The following DCC variants were observed in gnomAD, a reference collection of about 807,000 sequenced individuals.
DCC encodes netrin receptor DCC.
In DCC, 58 loss-of-function variants were observed where a neutral mutation model predicts 172.5. The ratio of observed to expected loss-of-function variants is 0.34; its 90% CI spans 0.27 to 0.42. The LOEUF (loss-of-function observed/expected upper bound fraction) is 0.42. DCC is among the 10% of genes least tolerant of loss of function. DCC has a pLI of 1.00. For synonymous variants in DCC, 709 were observed against 644.5 expected, an observed-to-expected ratio of 1.10 and a Z score of -1.52; for missense variants, 1,740 against 1,791.0, an observed-to-expected ratio of 0.97 and a Z score of 0.51.
intron 2 of DCC, among the ~76,000 whole-genome samples, chr18:52,826,726 G>A (rs1056543497): frequency 2.6e-5 from 4 of 151,892 alleles, no homozygotes; most frequent in African/African-American, 4.8e-5. Context: ...TTATCTGCCC[G>A]CCTAAGCCTC....
chr18:52,885,453 C>T (rs72922257), intron 2 of DCC, among the ~76,000 whole-genome samples: 3,183 of 152,254 alleles, frequency 0.021, 58 homozygotes, highest in Admixed American at 0.04. Flanking sequence ...CCAGCCCACA[C>T]GGGATTCTTC....
In DCC at chr18:53,204,263, TG is replaced by T. The variant is rs375294145; in HGVS notation, c.1574-950del. The stretch of plus-strand genomic sequence containing the variant: ...TTTCAAAATCTTAAGATACCTGGGC[TG>T]GGTGTGGTGTCTCACACCTGTAATC... On this transcript the variant is annotated intron_variant, in intron 9 of 28. Coordinates refer to ENST00000442544, the MANE Select transcript of DCC (RefSeq NM_005215.4). Among the ~76,000 whole-genome samples the T allele has an allele frequency of 2.3e-3, 345 of 152,224 alleles. 1 individual carries two copies. Among genetic ancestry groups the T allele is most frequent in the African/African-American group, 7.9e-3 (328 of 41,546 alleles).
At chr18:53,502,189 G>C (rs1432557444) in intron 27 of DCC, among the ~76,000 whole-genome samples, 1 of 152,070 alleles carries the variant, frequency 6.6e-6, no homozygotes, top group African/African-American at 2.4e-5. Context: ...TCTGGCTAGA[G>C]TTTTTGTTTG....
intron 1 of DCC, among the ~76,000 whole-genome samples, chr18:52,590,165 G>A (rs1038042405): frequency 6.6e-6 from 1 of 151,638 alleles, no homozygotes; most frequent in Non-Finnish European, 1.5e-5. Context: ...AATGGTGTGT[G>A]TGTGTGTGTG....
rs751411723 is a variant in DCC, at chr18:53,179,135, G to A, written c.1573+19G>A. The A allele has an allele frequency of 4.2e-5, 68 of 1,610,350 alleles. No individual in the cohort carries two copies. The highest frequency in any genetic ancestry group is 1.3e-4 in the African/African-American group (10 of 74,916). On this transcript the variant is annotated intron_variant, in intron 9 of 28. Coordinates refer to ENST00000442544, the MANE Select transcript of DCC (RefSeq NM_005215.4). ...CCTGAGTGTGAGTATGAAAAGGAAC[G>A]GGCCACATTTAAAAAGTATTTATTT... is the stretch of plus-strand genomic sequence containing the variant.
intron 16 of DCC, among the ~76,000 whole-genome samples, chr18:53,391,403 T>C (rs1373843660): frequency 2.0e-5 from 3 of 152,294 alleles, no homozygotes; most frequent in Admixed American, 6.5e-5. Context: ...ACAGTCAAAT[T>C]GATAAAACCA....
Position 53,530,637 on chromosome 18 carries a change from C to A in DCC, c.4328C>A (p.Thr1443Lys). Residue 1443 changes from threonine to lysine, a missense_variant, in exon 29 of 29, where the codon ACA becomes AAA. Thr to Lys is a moderately conservative substitution (Grantham distance 78). Coordinates refer to ENST00000442544, the MANE Select transcript of DCC (RefSeq NM_005215.4). ...EGLMKQLNAI[T>K]GSAF ...CTCATGAAGCAGCTTAATGCCATCACAGGCTCAGCCTTTTAACATGTATTT... is the reference window on the plus strand; with the variant it reads ...CTCATGAAGCAGCTTAATGCCATCAAAGGCTCAGCCTTTTAACATGTATTT... 6.3e-7 allele frequency: 1 copy of A among 1,589,944 alleles called. No individual in the cohort carries two copies. Among genetic ancestry groups the A allele is most frequent in the Non-Finnish European group, 8.6e-7 (1 of 1,157,928 alleles).
chr18:52,868,051 ATATGTGTGTG>A lies in DCC; in HGVS notation c.413-37991_413-37982del, dbSNP rs1199838274. On this transcript the variant is annotated intron_variant, in intron 2 of 28. Transcript: ENST00000442544. ...TATGTGTGTATATATATATATATAT[ATATGTGTGTG>A]TGTGTGTGTGTGTGTGTATATATGT... Among the ~76,000 whole-genome samples the A allele has an allele frequency of 2.3e-3, 230 of 98,712 alleles. 2 individuals are homozygous for A. The highest frequency in any genetic ancestry group is 5.7e-3 in the Middle Eastern group (1 of 174). The allele number at this position is 98,712 out of a possible 152,430, so 64.8% of individuals were successfully genotyped here. A position where few individuals can be genotyped will look rare whatever the true frequency, so the allele number is the denominator to read the frequency against.
intron 5 of DCC, among the ~76,000 whole-genome samples, chr18:52,991,857 G>C (rs1184752724): frequency 1.3e-5 from 2 of 152,180 alleles, no homozygotes; most frequent in Non-Finnish European, 2.9e-5. Context: ...AGGAACTGTA[G>C]TAAGTGTTCA....
chr18:53,456,489 T>C (rs989406060), intron 23 of DCC, among the ~76,000 whole-genome samples: 8 of 152,138 alleles, frequency 5.3e-5, no homozygotes, highest in Non-Finnish European at 1.0e-4. Flanking sequence ...GGGCCAAACA[T>C]GAAATACTCT....
intron 15 of DCC, among the ~76,000 whole-genome samples, chr18:53,368,827 ATT>A (rs919938209): frequency 3.9e-5 from 6 of 151,998 alleles, no homozygotes; most frequent in African/African-American, 1.2e-4. Flanking sequence ...GTACCACACT[ATT>A]TTGATTACTG....
At chr18:53,508,636 G>GAAAC (rs2046213906) in intron 27 of DCC, among the ~76,000 whole-genome samples, 3 of 152,186 alleles carry the variant, frequency 2.0e-5, no homozygotes, top group South Asian at 4.2e-4. Flanking sequence ...TCATTTAATA[G>GAAAC]AAACAGGCTG....
chr18:52,964,553 GT>G (rs1261426324), intron 5 of DCC, among the ~76,000 whole-genome samples: 1 of 152,070 alleles, frequency 6.6e-6, no homozygotes, highest in East Asian at 1.9e-4. Flanking sequence ...ATTTAGTAGT[GT>G]TTGAGGGACT....
chr18:52,760,133 T>TGC (rs1175128334), intron 2 of DCC, among the ~76,000 whole-genome samples: 2 of 152,310 alleles, frequency 1.3e-5, no homozygotes, highest in African/African-American at 4.8e-5. Context: ...CTCACAGTTC[T>TGC]GCAGGGCTGG....
chr18:52,632,218 G>A (rs1480623494), intron 1 of DCC, among the ~76,000 whole-genome samples: 1 of 152,150 alleles, frequency 6.6e-6, no homozygotes, highest in Non-Finnish European at 1.5e-5. Flanking sequence ...AGTTAGGAAT[G>A]AAGTATAATA....
chr18:52,796,221 T>C (rs944909926), intron 2 of DCC, among the ~76,000 whole-genome samples: 3 of 152,042 alleles, frequency 2.0e-5, no homozygotes, highest in Non-Finnish European at 4.4e-5. Flanking sequence ...CATCTCTTAA[T>C]TGGGGAATTC....
intron 14 of DCC, among the ~76,000 whole-genome samples, chr18:53,333,482 C>T (rs1232306309): frequency 6.6e-6 from 1 of 152,212 alleles, no homozygotes; most frequent in Non-Finnish European, 1.5e-5. Flanking sequence ...CCATCTATAG[C>T]AGGCAGTATG....
chr18:53,500,218 GAGAGAGAGGC>G, intron 27 of DCC, among the ~76,000 whole-genome samples: 1 of 152,246 alleles, frequency 6.6e-6, no homozygotes, highest in Middle Eastern at 3.4e-3. Flanking sequence ...TGAGGAGGGG[GAGAGAGAGGC>G]AGAGACAGAA....
chr18:53,000,040 C>G (rs893922506), intron 5 of DCC, among the ~76,000 whole-genome samples: 3 of 151,928 alleles, frequency 2.0e-5, no homozygotes, highest in African/African-American at 7.2e-5. Context: ...CAATTAAGAG[C>G]TAGGAAGAGG....
Sources: gnomAD v4.1 joint callset for allele counts (sites outside exome capture counted in the v4.1 genomes callset) on GRCh38, gnomAD v4.1.1 for gene constraint, MANE v1.5 for transcripts, NCBI Gene and HGNC (gene_info 2026-07-23, HGNC 2026-07-21) for gene names.